LAMA2: variants seen among roughly 807,000 people sequenced by gnomAD.
LAMA2 encodes the protein laminin subunit alpha 2.
Under a neutral mutation model 364.8 loss-of-function variants are expected in LAMA2, and 269 were observed. That is an observed-to-expected ratio of 0.74 (90% CI 0.67 to 0.82). The LOEUF (loss-of-function observed/expected upper bound fraction) is 0.82, where lower values mean the gene tolerates loss of function less well. Among genes scored for constraint, LAMA2 ranks in the 40% least tolerant of loss-of-function variants. The probability of loss-of-function intolerance (pLI) is 0.00; values close to 1 mark genes in which losing one functional copy is unlikely to be tolerated. For missense variants in LAMA2, 3,807 were observed against 3,873.2 expected, an observed-to-expected ratio of 0.98 and a Z score of 0.45; for synonymous variants, 1,379 against 1,370.6, an observed-to-expected ratio of 1.01 and a Z score of -0.14.
intron 1 of LAMA2, among the ~76,000 whole-genome samples, chr6:128,943,845 T>C (rs74832770): frequency 1.8e-3 from 269 of 152,316 alleles, no homozygotes; most frequent in African/African-American, 6.2e-3. Flanking sequence ...GAAGGAGCAA[T>C]TCTCATTAAT....
intron 2 of LAMA2, among the ~76,000 whole-genome samples, chr6:129,051,266 T>A (rs962970960): frequency 6.8e-6 from 1 of 147,986 alleles, no homozygotes; most frequent in Non-Finnish European, 1.5e-5. Flanking sequence ...AAAATATATA[T>A]TATTTATATT....
At position 129,098,291 on chromosome 6, in the gene LAMA2, C is replaced by T; in HGVS notation, c.515C>T (p.Thr172Ile). 3 of 1,614,108 alleles carry T rather than the reference C, an allele frequency of 1.9e-6. No homozygotes were observed. The highest frequency in any genetic ancestry group is 2.5e-6 in the Non-Finnish European group (3 of 1,180,010). The change falls in exon 4 of 65, where the codon ACA becomes ATA. Residue 172 changes from threonine (T) to isoleucine (I), a missense_variant. Around this residue, in one of 3 missense-constraint regions of LAMA2, gnomAD observed 394 missense variants for 403.5 expected, o/e 0.98. Coordinates refer to ENST00000421865, the MANE Select transcript of LAMA2 (RefSeq NM_000426.4). ...EYKPWQYHAV[T>I]DTECLTLYNI... ...AAGCCCTGGCAGTATCATGCTGTGA[C>T]AGACACGGAGTGCCTAACGCTTTAC...
intron 8 of LAMA2, chr6:129,157,549 C>T (rs553766861): frequency 2.6e-5 from 42 of 1,612,514 alleles, no homozygotes; most frequent in Middle Eastern, 4.1e-4. Context: ...TGGGATTCAA[C>T]CATCTTGGCA....
chr6:129,172,775 C>T (rs1250338644), intron 9 of LAMA2, among the ~76,000 whole-genome samples: 1 of 152,248 alleles, frequency 6.6e-6, no homozygotes, highest in Non-Finnish European at 1.5e-5. Context: ...CCCAGCCTCG[C>T]TGCTGCCTTG....
chr6:129,286,064 T>G (rs9492293), intron 18 of LAMA2, among the ~76,000 whole-genome samples: 4,280 of 152,222 alleles, frequency 0.028, 156 homozygotes, highest in African/African-American at 0.094. Flanking sequence ...TTTGTTAAAG[T>G]ACTCTCAATA....
intron 37 of LAMA2, among the ~76,000 whole-genome samples, chr6:129,393,921 C>T (rs73591274): frequency 2.5e-4 from 38 of 152,140 alleles, no homozygotes; most frequent in Non-Finnish European, 5.3e-4. Context: ...ATCAGGTCTG[C>T]GTTATTTTCT....
At chr6:129,084,728 A>G (rs1159707512) in intron 3 of LAMA2, among the ~76,000 whole-genome samples, 1 of 152,162 alleles carries the variant, frequency 6.6e-6, no homozygotes, top group African/African-American at 2.4e-5. Context: ...GACTCACTGC[A>G]GGCATAAACC....
chr6:128,930,602 G>A (rs1779413533), intron 1 of LAMA2, among the ~76,000 whole-genome samples: 1 of 151,982 alleles, frequency 6.6e-6, no homozygotes, highest in South Asian at 2.1e-4. Context: ...AGAAATACAC[G>A]TCCTTGCTAT....
chr6:129,402,324 T>G lies in LAMA2; in HGVS notation c.5563T>G (p.Tyr1855Asp), dbSNP rs1780025847. 6.2e-7 allele frequency: 1 copy of G among 1,612,782 alleles called. No homozygotes were observed. The highest frequency in any genetic ancestry group is 1.3e-5 in the African/African-American group (1 of 74,818). ...AAATGCCCTCTTCTCTACATATCAGTATGTTGAAGACATCCAAACTAAATT... is the reference window on the plus strand; with the variant it reads ...AAATGCCCTCTTCTCTACATATCAGGATGTTGAAGACATCCAAACTAAATT... ...LADEINSIID[Y>D]VEDIQTKLPP... Residue 1855 changes from tyrosine (Y) to aspartate (D), a missense_variant and splice_region_variant, in exon 39 of 65, where the codon TAT becomes GAT. Around this residue, in one of 3 missense-constraint regions of LAMA2, gnomAD observed 3,333 missense variants for 3,345.7 expected, o/e 1.00. Transcript: ENST00000421865.
intron 22 of LAMA2, among the ~76,000 whole-genome samples, chr6:129,306,313 CTTT>C (rs11315443): frequency 5.4e-4 from 38 of 70,382 alleles, no homozygotes; most frequent in African/African-American, 1.9e-3. Context: ...TAATTTTTTC[CTTT>C]TTTTTTTTTT....
intron 1 of LAMA2, among the ~76,000 whole-genome samples, chr6:128,897,091 C>A (rs954130809): frequency 4.6e-5 from 7 of 152,168 alleles, no homozygotes; most frequent in African/African-American, 1.7e-4. Context: ...CTGGTAGAGA[C>A]CAAGATTTGG....
chr6:129,192,789 A>C lies in LAMA2; in HGVS notation c.1718A>C (p.Glu573Ala), dbSNP rs747449459. The C allele has an allele frequency of 2.5e-6, 4 of 1,614,206 alleles. No individual in the cohort carries two copies. The highest frequency in any genetic ancestry group is 3.3e-5 in the Admixed American group (2 of 60,024). The change falls in exon 12 of 65, where the codon GAG (glutamate) becomes GCG (alanine). Residue 573 changes from glutamate (E) to alanine (A), a missense_variant. Transcript: ENST00000421865. ...SPQQISISNA[E>A]ARQALPHSYY... Reference sequence around the variant, plus strand: ...CAGCAGATCAGCATCAGTAACGCGGAGGCCCGGCAAGCCCTGCCGCACAGC... The same window carrying C: ...CAGCAGATCAGCATCAGTAACGCGGCGGCCCGGCAAGCCCTGCCGCACAGC...
At chr6:129,315,212 C>T (rs1774504407) in intron 24 of LAMA2, among the ~76,000 whole-genome samples, 1 of 152,098 alleles carries the variant, frequency 6.6e-6, no homozygotes, top group Non-Finnish European at 1.5e-5. Context: ...TTTCATTTTC[C>T]TTTAACTCTT....
Position 128,938,360 on chromosome 6 carries a change from A to G in LAMA2, c.112+55003A>G, listed in dbSNP as rs535985194. 2.0e-5 allele frequency among the ~76,000 whole-genome samples: 3 copies of G among 152,288 alleles called. No homozygotes were observed. In the South Asian group the frequency reaches 6.2e-4, roughly 32 times the overall value. ...TTTTATGATTAACTAATGTTTTATG[A>G]GGTCCTTAGAGTGCTAGACACTGTT... On this transcript the variant is annotated intron_variant, in intron 1 of 64. Coordinates refer to ENST00000421865, the MANE Select transcript of LAMA2 (RefSeq NM_000426.4).
intron 1 of LAMA2, among the ~76,000 whole-genome samples, chr6:128,910,741 T>C (rs1297125914): frequency 6.6e-6 from 1 of 151,788 alleles, no homozygotes; most frequent in African/African-American, 2.4e-5. Flanking sequence ...AGTTTTTCTG[T>C]TCTGTTTTTT....
At chr6:128,921,703 T>G (rs1040969872) in intron 1 of LAMA2, among the ~76,000 whole-genome samples, 7 of 144,696 alleles carry the variant, frequency 4.8e-5, no homozygotes, top group African/African-American at 1.1e-4. Context: ...GTCTGTTTTT[T>G]TTTTTTTTTT....
In LAMA2 at chr6:129,177,790, C is replaced by T. The variant is rs150394215; in HGVS notation, c.1391C>T (p.Pro464Leu). The T allele has an allele frequency of 6.8e-5, 110 of 1,613,796 alleles. No individual in the cohort carries two copies. The highest frequency in any genetic ancestry group is 1.5e-4 in the Admixed American group (9 of 59,910). Residue 464 changes from proline (P) to leucine (L), a missense_variant, in exon 10 of 65, where the codon CCG becomes CTG. By Grantham distance (98) the Pro-to-Leu change is moderately conservative. Transcript: ENST00000421865. The part of the protein sequence containing the change: ...DRCARGYTGY[P>L]DCKACNCSGL... Reference sequence around the variant, plus strand: ...TGTGCCAGGGGCTACACTGGCTACCCGGACTGCAAAGCCTGTAACTGCAGT... The same window carrying T: ...TGTGCCAGGGGCTACACTGGCTACCTGGACTGCAAAGCCTGTAACTGCAGT...
intron 21 of LAMA2, 56 bp from the exon 22 acceptor site, chr6:129,300,680 G>A (rs1455597896): frequency 6.4e-7 from 1 of 1,573,740 alleles, no homozygotes; most frequent in African/African-American, 1.4e-5. Context: ...TCAACACTTT[G>A]TGTCAAATTT....
chr6:128,954,031 T>C (rs1021059005), intron 1 of LAMA2, among the ~76,000 whole-genome samples: 10 of 152,198 alleles, frequency 6.6e-5, no homozygotes, highest in African/African-American at 2.4e-4. Flanking sequence ...TCTTCTTCTT[T>C]AGTTCTACAG....
Sources: gnomAD v4.1 joint callset for allele counts (sites outside exome capture counted in the v4.1 genomes callset) on GRCh38, gnomAD v4.1.1 for gene constraint, gnomAD v4.1.1 regional missense constraint, MANE v1.5 for transcripts, NCBI Gene and HGNC (gene_info 2026-07-23, HGNC 2026-07-21) for gene names.